GAS2: variants seen among roughly 807,000 people sequenced by gnomAD.
GAS2 encodes growth arrest-specific protein 2.
GAS2 carries 20 observed loss-of-function variants against 37.5 expected under a neutral mutation model. The ratio of observed to expected loss-of-function variants is 0.53; its 90% CI spans 0.37 to 0.77. GAS2 has a LOEUF of 0.77. GAS2 is among the 30% of genes least tolerant of loss of function. GAS2 has a pLI of 0.00. For missense variants in GAS2, 336 were observed against 373.4 expected (o/e 0.90, Z 0.82); for synonymous variants, 144 against 132.2 (o/e 1.09, Z -0.61).
At chr11:22,778,259 G>T (rs7111969) in intron 7 of GAS2, among the ~76,000 whole-genome samples, 145,655 of 152,288 alleles carry the variant, frequency 0.96, 69,959 homozygotes, top group East Asian at 1. Flanking sequence ...ATGCTACTCA[G>T]TTTTAGAGGG....
chr11:22,636,704 T>A (rs1858826610), intron 1 of GAS2, among the ~76,000 whole-genome samples: 1 of 152,038 alleles, frequency 6.6e-6, no homozygotes, highest in Non-Finnish European at 1.5e-5. Flanking sequence ...ATGACTTTCT[T>A]ACTTTAGTGT....
chr11:22,691,864 T>C (rs374932174), intron 3 of GAS2, among the ~76,000 whole-genome samples: 2 of 152,188 alleles, frequency 1.3e-5, no homozygotes, highest in East Asian at 3.8e-4. Context: ...TTTCTCAGTA[T>C]AAAATTAAAT....
At chr11:22,751,064 A>G (rs185993124) in intron 6 of GAS2, among the ~76,000 whole-genome samples, 3 of 152,136 alleles carry the variant, frequency 2.0e-5, no homozygotes, top group Non-Finnish European at 4.4e-5. Flanking sequence ...GGATAAAACT[A>G]AATGCACTTT....
At chr11:22,744,943 GAACCACAAA>G (rs773148645) in intron 5 of GAS2, among the ~76,000 whole-genome samples, 1 of 151,786 alleles carries the variant, frequency 6.6e-6, no homozygotes, top group Non-Finnish European at 1.5e-5. Flanking sequence ...TCTACAAGAA[GAACCACAAA>G]ACACTGCTGA....
Position 22,726,445 on chromosome 11 carries a change from C to A in GAS2, c.409+12C>A. ...ATCGGAAGGTTTGGGTATGTATTAA[C>A]TTCAGAATTTTAGTTGATAAGATAC... On this transcript the variant is annotated intron_variant, in intron 4 of 7. Transcript: ENST00000454584. The A allele has an allele frequency of 1.2e-6, 2 of 1,603,504 alleles. No individual in the cohort carries two copies. The highest frequency in any genetic ancestry group is 1.7e-5 in the Admixed American group (1 of 57,734).
intron 7 of GAS2, among the ~76,000 whole-genome samples, chr11:22,792,061 C>T (rs757876507): frequency 1.3e-5 from 2 of 152,116 alleles, no homozygotes; most frequent in Non-Finnish European, 2.9e-5. Context: ...GATATTTGTG[C>T]AAGCAGGAAC....
intron 6 of GAS2, among the ~76,000 whole-genome samples, chr11:22,755,288 G>T (rs780550896): frequency 1.7e-4 from 26 of 152,170 alleles, no homozygotes; most frequent in Middle Eastern, 6.8e-3. Flanking sequence ...GGAGTGAGTT[G>T]CAGGGTAAAT....
At chr11:22,669,406 T>TAACA (rs1849114447) in intron 1 of GAS2, among the ~76,000 whole-genome samples, 1 of 152,322 alleles carries the variant, frequency 6.6e-6, no homozygotes, top group African/African-American at 2.4e-5. Context: ...AAAATATCCC[T>TAACA]AACAACATGA....
intron 7 of GAS2, among the ~76,000 whole-genome samples, chr11:22,780,004 A>T (rs1387400757): frequency 1.3e-5 from 2 of 152,178 alleles, no homozygotes; most frequent in African/African-American, 4.8e-5. Flanking sequence ...TGACCTTAAG[A>T]GTTGACTCGG....
intron 1 of GAS2, among the ~76,000 whole-genome samples, chr11:22,644,048 G>A (rs1453974635): frequency 6.6e-6 from 1 of 151,934 alleles, no homozygotes; most frequent in African/African-American, 2.4e-5. Flanking sequence ...AAAATGGAAA[G>A]CAAAGAAAAA....
intron 1 of GAS2, among the ~76,000 whole-genome samples, chr11:22,640,171 C>T (rs1397178307): frequency 6.6e-6 from 1 of 152,100 alleles, no homozygotes; most frequent in Non-Finnish European, 1.5e-5. Context: ...CTAAATGTTG[C>T]CCACAAATCT....
chr11:22,636,726 C>G lies in GAS2; in HGVS notation c.-21+10913C>G, dbSNP rs75931835. 5.7e-4 allele frequency among the ~76,000 whole-genome samples: 87 copies of G among 151,634 alleles called. 1 individual carries two copies. The East Asian group carries it at 0.016, about 28-fold the overall frequency. ...TCTTACTTTAGTGTCAATAGATGAA[C>G]ATTAATTAATTTTAAGTTAGCCATA... On this transcript the variant is annotated intron_variant, in intron 1 of 5. Coordinates refer to the GAS2 transcript ENST00000528582.
chr11:22,789,531 G>A (rs368977588), intron 7 of GAS2, among the ~76,000 whole-genome samples: 4 of 129,024 alleles, frequency 3.1e-5, no homozygotes, highest in Admixed American at 8.9e-5. Flanking sequence ...GCGTGATCTC[G>A]GCTCACTGCA....
At chr11:22,677,405 A>G (rs1453038772) in intron 2 of GAS2, among the ~76,000 whole-genome samples, 3 of 152,162 alleles carry the variant, frequency 2.0e-5, no homozygotes, top group Non-Finnish European at 4.4e-5. Flanking sequence ...GTTTCATGAG[A>G]CATGTTCGGG....
intron 2 of GAS2, among the ~76,000 whole-genome samples, chr11:22,675,808 C>T (rs1380329835): frequency 6.6e-6 from 1 of 152,096 alleles, no homozygotes; most frequent in African/African-American, 2.4e-5. Flanking sequence ...GGGGAGATTT[C>T]ATCAACACTA....
chr11:22,703,884 T>C (rs1850970051), intron 3 of GAS2, among the ~76,000 whole-genome samples: 1 of 152,166 alleles, frequency 6.6e-6, no homozygotes, highest in Non-Finnish European at 1.5e-5. Flanking sequence ...GCTAGTCATG[T>C]CTAATTTCAC....
chr11:22,712,058 C>A (rs1851430693), intron 3 of GAS2, among the ~76,000 whole-genome samples: 1 of 152,172 alleles, frequency 6.6e-6, no homozygotes, highest in South Asian at 2.1e-4. Flanking sequence ...CTTTCACTCT[C>A]TTTAAAGCAC....
At chr11:22,671,883 C>T (rs1450209252) in intron 1 of GAS2, among the ~76,000 whole-genome samples, 1 of 152,072 alleles carries the variant, frequency 6.6e-6, no homozygotes, top group Admixed American at 6.5e-5. Flanking sequence ...ATCCATTTTT[C>T]ATGTTTCGTA....
chr11:22,653,385 AG>A (rs1848819276), intron 1 of GAS2, among the ~76,000 whole-genome samples: 1 of 152,180 alleles, frequency 6.6e-6, no homozygotes. Context: ...AATGTTTGCC[AG>A]GCACCTAGCG....
Sources: gnomAD v4.1 joint callset for allele counts (sites outside exome capture counted in the v4.1 genomes callset) on GRCh38, gnomAD v4.1.1 for gene constraint, MANE v1.5 for transcripts, NCBI Gene and HGNC (gene_info 2026-07-23, HGNC 2026-07-21) for gene names.